The following KIF21A variants were observed in gnomAD, a reference collection of about 807,000 sequenced individuals.
KIF21A encodes the protein kinesin-like protein KIF21A.
KIF21A carries 114 observed loss-of-function variants against 202.9 expected under a neutral mutation model. The observed-to-expected ratio is 0.56, with a 90% CI of 0.48 to 0.66. The LOEUF is 0.66. Ranked by LOEUF, KIF21A falls within the 30% of genes least tolerant of loss-of-function variation. The probability of loss-of-function intolerance (pLI) is 0.00; values close to 1 mark genes in which losing one functional copy is unlikely to be tolerated. For missense variants in KIF21A, 1,677 were observed against 1,994.9 expected (o/e 0.84, Z 3.04); for synonymous variants, 667 against 670.8 (o/e 0.99, Z 0.09).
In KIF21A at chr12:39,319,951, T is replaced by C. The variant is rs759940671; in HGVS notation, c.3734A>G (p.Lys1245Arg). ...IPEPSPVTRR[K>R]AYEKAEKSKA... Reference sequence around the variant, plus strand: ...TGATTTTTCTGCTTTCTCATATGCCTTTCTCCTTGTTACAGGAGAAGGCTC... The same window carrying C: ...TGATTTTTCTGCTTTCTCATATGCCCTTCTCCTTGTTACAGGAGAAGGCTC... The change falls in exon 28 of 38, where the codon AAG (lysine) becomes AGG (arginine). Residue 1245 changes from lysine to arginine, a missense_variant. Physicochemically the swap from Lys to Arg is conservative, Grantham distance 26. Transcript: ENST00000361418. The C allele has an allele frequency of 1.9e-6, 3 of 1,609,370 alleles. No homozygotes were observed. Among genetic ancestry groups the C allele is most frequent in the Admixed American group, 3.3e-5 (2 of 59,734 alleles).
chr12:39,436,450 T>TA lies in KIF21A; in HGVS notation c.44+6476_44+6477insT, dbSNP rs1424166622. 3.2e-3 allele frequency among the ~76,000 whole-genome samples: 196 copies of TA among 60,810 alleles called. 2 individuals are homozygous for TA. The highest frequency in any genetic ancestry group is 9.4e-3 in the Middle Eastern group (1 of 106). The allele number at this position is 60,810 out of a possible 152,430, so 39.9% of individuals were successfully genotyped here. On this transcript the variant is annotated intron_variant, in intron 1 of 37. Transcript: ENST00000361418. ...TATATATATATATATATATATATATTTTTTTTTTTTTTAGACAGGGTTTCA... is the reference window on the plus strand; with the variant it reads ...TATATATATATATATATATATATATTATTTTTTTTTTTTAGACAGGGTTTCA...
At chr12:39,322,090 T>C (rs932848173) in intron 27 of KIF21A, 2 of 152,278 alleles carry the variant, frequency 1.3e-5, no homozygotes, top group African/African-American at 4.8e-5. Flanking sequence ...AAGAGAATAT[T>C]TCCTCCTTCA....
intron 1 of KIF21A, among the ~76,000 whole-genome samples, chr12:39,408,229 CT>C (rs982310525): frequency 2.6e-5 from 4 of 152,082 alleles, no homozygotes; most frequent in African/African-American, 7.3e-5. Context: ...TGGGATAAAA[CT>C]GTTCCACCTC....
rs754811668 is a variant in KIF21A at position 39,320,007 on chromosome 12, C to T, written c.3678G>A (p.Arg1226=). ...TTTTTTTTTCTGATAGAGATGACTG[C>T]CTGGAACTAAAGTAAAAGAAGATTC... The part of the protein sequence containing the change: ...GLPSKIGSIS[R]QSSLSEKKIP... The change falls in exon 28 of 38, where the codon AGG becomes AGA. Residue 1226 remains arginine, a synonymous_variant. Transcript: ENST00000361418. 2 of 1,574,728 alleles carry T rather than the reference C, an allele frequency of 1.3e-6. No homozygotes were observed. Among genetic ancestry groups the T allele is most frequent in the Admixed American group, 1.7e-5 (1 of 59,420 alleles).
chr12:39,371,437 T>C, intron 1 of KIF21A, among the ~76,000 whole-genome samples: 1 of 152,156 alleles, frequency 6.6e-6, no homozygotes. Context: ...TTTCAAAATC[T>C]GTTTTCAAAG....
At chr12:39,431,022 T>C (rs1937820460) in intron 1 of KIF21A, among the ~76,000 whole-genome samples, 2 of 152,178 alleles carry the variant, frequency 1.3e-5, no homozygotes, top group South Asian at 4.1e-4. Flanking sequence ...TATTCTGTTA[T>C]AGCAACAGAA....
At chr12:39,342,510 A>G (rs757106179) in intron 12 of KIF21A, among the ~76,000 whole-genome samples, 4 of 152,212 alleles carry the variant, frequency 2.6e-5, no homozygotes, top group African/African-American at 4.8e-5. Flanking sequence ...CTTCTCTCAT[A>G]TAAATACAAA....
rs761306396 is a variant in KIF21A, at chr12:39,337,103, T to C, written c.2411A>G (p.Lys804Arg). The C allele has an allele frequency of 1.3e-6, 2 of 1,595,006 alleles. No homozygotes were observed. Among genetic ancestry groups the C allele is most frequent in the East Asian group, 2.2e-5 (1 of 44,672 alleles). Residue 804 changes from lysine (K) to arginine (R), a missense_variant, in exon 17 of 38, where the codon AAA becomes AGA. Lys to Arg is a conservative substitution (Grantham distance 26). Transcript: ENST00000361418. ...GAGTTAAAATCCACTTACATCTCTT[T>C]TACGTTGATCCTTTTTCAACTGAGC... The part of the protein sequence containing the change: ...EIAQLKKDQR[K>R]RDHQLRLLEA...
At chr12:39,321,865 A>C (rs1945299711) in intron 27 of KIF21A, 1 of 152,118 alleles carries the variant, frequency 6.6e-6, no homozygotes, top group Admixed American at 6.6e-5. Flanking sequence ...TAACGTTAAA[A>C]ATCTTTACCA....
intron 14 of KIF21A, 132 bp from the exon 15 acceptor site, chr12:39,341,226 G>A (rs574092176): frequency 1.2e-6 from 1 of 820,704 alleles, no homozygotes; most frequent in African/African-American, 1.7e-5. Flanking sequence ...AAATTTCCTG[G>A]AAAAACCAAC....
chr12:39,431,917 T>G (rs1390217575), intron 1 of KIF21A, among the ~76,000 whole-genome samples: 1 of 152,192 alleles, frequency 6.6e-6, no homozygotes, highest in Non-Finnish European at 1.5e-5. Flanking sequence ...AATTGACACT[T>G]GAAAATGTCA....
At chr12:39,388,621 T>G (rs1951122598) in intron 1 of KIF21A, among the ~76,000 whole-genome samples, 1 of 152,146 alleles carries the variant, frequency 6.6e-6, no homozygotes. Flanking sequence ...CAATAATAAT[T>G]TCTCTTATTT....
At chr12:39,361,522 C>CTTT (rs541860250) in intron 7 of KIF21A, among the ~76,000 whole-genome samples, 1,576 of 131,660 alleles carry the variant, frequency 0.012, 55 homozygotes, top group African/African-American at 0.043. Context: ...AACTTTCTTT[C>CTTT]TTTTTTTTTT....
chr12:39,389,218 A>G (rs1241760234), intron 1 of KIF21A, among the ~76,000 whole-genome samples: 1 of 150,602 alleles, frequency 6.6e-6, no homozygotes, highest in Non-Finnish European at 1.5e-5. Context: ...ACACATATAT[A>G]CATACATGCT....
intron 10 of KIF21A, among the ~76,000 whole-genome samples, chr12:39,353,950 G>T (rs1482068214): frequency 6.6e-6 from 1 of 151,982 alleles, no homozygotes; most frequent in Non-Finnish European, 1.5e-5. Flanking sequence ...GAGGTATGAG[G>T]GCAAGTGTAC....
At chr12:39,301,365 T>C (rs941131345) in intron 37 of KIF21A, 115 bp downstream of exon 37, 1 of 912,044 alleles carries the variant, frequency 1.1e-6, no homozygotes, top group African/African-American at 1.7e-5. Context: ...AAACAGACAT[T>C]AGAATGATTA....
At chr12:39,334,237 A>ATTTTGTTTT (rs1347807655) in intron 17 of KIF21A, among the ~76,000 whole-genome samples, 70 of 151,758 alleles carry the variant, frequency 4.6e-4, no homozygotes, top group Non-Finnish European at 8.2e-4. Flanking sequence ...AAGAAAGAAA[A>ATTTTGTTTT]GAAAACAAAA....
Position 39,404,332 on chromosome 12 carries a change from C to A in KIF21A, c.45-34071G>T, listed in dbSNP as rs569535244. Reference sequence around the variant, plus strand: ...TATGGTGAAAGACTACCTTTTCCAACTGACCTTATTAACAAATAAGATGAG... The same window carrying A: ...TATGGTGAAAGACTACCTTTTCCAAATGACCTTATTAACAAATAAGATGAG... On this transcript the variant is annotated intron_variant, in intron 1 of 37. Coordinates refer to ENST00000361418, the MANE Select transcript of KIF21A (RefSeq NM_001173464.2). 4.6e-5 allele frequency among the ~76,000 whole-genome samples: 7 copies of A among 152,288 alleles called. No homozygotes were observed. In the East Asian group the frequency reaches 1.2e-3, roughly 25 times the overall value.
At chr12:39,327,030 A>C (rs1342114374) in intron 24 of KIF21A, among the ~76,000 whole-genome samples, 1 of 152,226 alleles carries the variant, frequency 6.6e-6, no homozygotes, top group East Asian at 1.9e-4. Flanking sequence ...TCAGTAAATA[A>C]AACAGCCACA....
Sources: allele counts gnomAD v4.1 joint callset (sites outside exome capture counted in the v4.1 genomes callset), GRCh38; gene constraint gnomAD v4.1.1; transcripts MANE v1.5; gene names NCBI Gene and HGNC (gene_info 2026-07-23, HGNC 2026-07-21).